Variants in INPP4B observed in about 807,000 individuals in gnomAD.
INPP4B encodes inositol polyphosphate 4-phosphatase type II.
INPP4B carries 55 observed loss-of-function variants against 122.5 expected under a neutral mutation model. The observed-to-expected ratio is 0.45, with a 90% CI of 0.36 to 0.56. INPP4B has a LOEUF of 0.56. INPP4B is among the 20% of genes least tolerant of loss of function. The pLI is 0.00. For synonymous variants in INPP4B, 403 were observed against 388.7 expected (o/e 1.04, Z -0.43); for missense variants, 1,000 against 1,097.7 (o/e 0.91, Z 1.26).
At chr4:142,463,522 G>C (rs1817142282) in intron 2 of INPP4B, among the ~76,000 whole-genome samples, 1 of 152,094 alleles carries the variant, frequency 6.6e-6, no homozygotes, top group South Asian at 2.1e-4. Context: ...TTCTTAATTT[G>C]TATACTTTCA....
At chr4:142,044,734 T>C (rs1750385692) in intron 25 of INPP4B, among the ~76,000 whole-genome samples, 1 of 152,120 alleles carries the variant, frequency 6.6e-6, no homozygotes, top group Non-Finnish European at 1.5e-5. Flanking sequence ...CCAAGAATAA[T>C]ATGGAATATT....
intron 12 of INPP4B, among the ~76,000 whole-genome samples, chr4:142,225,909 G>T (rs1427266196): frequency 6.6e-6 from 1 of 152,028 alleles, no homozygotes; most frequent in Non-Finnish European, 1.5e-5. Flanking sequence ...ATATTTTGTG[G>T]CTACCACAGT....
At chr4:142,225,544 A>G (rs995357115) in intron 12 of INPP4B, among the ~76,000 whole-genome samples, 1 of 148,878 alleles carries the variant, frequency 6.7e-6, no homozygotes, top group Non-Finnish European at 1.5e-5. Context: ...ATAAGTATAT[A>G]TATAAATATG....
At chr4:142,302,810 T>G (rs1199141581) in intron 9 of INPP4B, among the ~76,000 whole-genome samples, 2 of 151,892 alleles carry the variant, frequency 1.3e-5, no homozygotes, top group East Asian at 3.9e-4. Context: ...AAAAAAGAAG[T>G]AAGGGGAGAC....
At chr4:142,137,469 GC>G (rs1210633887) in intron 18 of INPP4B, among the ~76,000 whole-genome samples, 5 of 66,736 alleles carry the variant, frequency 7.5e-5, no homozygotes, top group African/African-American at 1.6e-4. Flanking sequence ...CAGGACATAG[GC>G]ATGGGCAAGG....
At chr4:142,105,264 A>G (rs1158620561) in intron 23 of INPP4B, among the ~76,000 whole-genome samples, 1 of 152,206 alleles carries the variant, frequency 6.6e-6, no homozygotes, top group African/African-American at 2.4e-5. Flanking sequence ...TAAATAGTCT[A>G]AAAGCACTAG....
chr4:142,208,446 C>T lies in INPP4B; in HGVS notation c.1051G>A (p.Val351Ile), dbSNP rs1212589621. ...PINLHLQRMQ[V>I]HSPHLKDALY... ...ATACCTTTCAAGTGAGGGCTGTGTA[C>T]CTGCATTCTTTGCAGATGTAGATTT... Residue 351 changes from valine (V) to isoleucine (I), a missense_variant, in exon 14 of 26, where the codon GTA becomes ATA. Physicochemically the swap from Val to Ile is conservative, Grantham distance 29. Coordinates refer to ENST00000262992, the MANE Select transcript of INPP4B (RefSeq NM_001101669.3). 5 of 1,582,788 alleles carry T rather than the reference C, an allele frequency of 3.2e-6. No homozygotes were observed. The highest frequency in any genetic ancestry group is 1.7e-5 in the Admixed American group (1 of 57,956).
chr4:142,796,078 T>C (rs1176771918), intron 1 of INPP4B, among the ~76,000 whole-genome samples: 1 of 152,050 alleles, frequency 6.6e-6, no homozygotes, highest in Non-Finnish European at 1.5e-5. Flanking sequence ...GGTTACAGTA[T>C]TCATTTATGA....
At chr4:142,079,319 C>T (rs1772581495) in intron 25 of INPP4B, among the ~76,000 whole-genome samples, 1 of 151,910 alleles carries the variant, frequency 6.6e-6, no homozygotes, top group Admixed American at 6.6e-5. Flanking sequence ...TTTTAACACA[C>T]CAATCAAACA....
In INPP4B at chr4:142,294,829, CAAAAAAAAAAA is replaced by C. The variant is rs57430432; in HGVS notation, c.503+10618_503+10628del. On this transcript the variant is annotated intron_variant, in intron 9 of 25. Transcript: ENST00000262992. Reference sequence around the variant, plus strand: ...CGGGCGACAGAGCGAGACTCCGTCTCAAAAAAAAAAAAAAAAAAAAAAAAAAAGGCAGACTT... The same window carrying C: ...CGGGCGACAGAGCGAGACTCCGTCTCAAAAAAAAAAAAAAAAGGCAGACTT... Among the ~76,000 whole-genome samples, 26 of 28,478 alleles carry C rather than the reference CAAAAAAAAAAA, an allele frequency of 9.1e-4. 3 individuals carry two copies. The highest frequency in any genetic ancestry group is 8.2e-3 in the Admixed American group (12 of 1,472). The allele number at this position is 28,478 out of a possible 152,430, so 18.7% of individuals were successfully genotyped here.
At chr4:142,478,415 CTTTTATTATTTTTAGGTATTA>C (rs888627056) in intron 2 of INPP4B, among the ~76,000 whole-genome samples, 2 of 151,980 alleles carry the variant, frequency 1.3e-5, no homozygotes, top group African/African-American at 4.8e-5. Flanking sequence ...TCATAAATGG[CTTTTATTATTTTTAGGTATTA>C]TTTTATTATT....
chr4:142,659,299 C>G (rs183713863), intron 2 of INPP4B, among the ~76,000 whole-genome samples: 2 of 151,432 alleles, frequency 1.3e-5, no homozygotes, highest in African/African-American at 2.4e-5. Flanking sequence ...CCAGCTACCC[C>G]GGATGCTGAG....
intron 17 of INPP4B, among the ~76,000 whole-genome samples, chr4:142,154,088 C>T (rs1242853564): frequency 2.6e-5 from 4 of 152,066 alleles, no homozygotes; most frequent in Admixed American, 6.6e-5. Flanking sequence ...TAGGGAACAA[C>T]TGGCCCCATT....
rs548821033 is a variant in INPP4B, at chr4:142,028,586, T to TAAGA, written c.*192_*195dup. 2.5e-3 allele frequency: 1,420 copies of TAAGA among 573,762 alleles called. 4 individuals are homozygous for TAAGA. The highest frequency in any genetic ancestry group is 3.6e-3 in the Non-Finnish European group (1,191 of 331,184). 35.5% of individuals were successfully genotyped at this position (573,762 alleles called of 1,614,324 possible). On this transcript the variant is annotated 3_prime_UTR_variant, in exon 26 of 26. Coordinates refer to ENST00000262992, the MANE Select transcript of INPP4B (RefSeq NM_001101669.3). ...CTAGAAATGACAGTACTGAATCATGTAAGATTTTTTAAAATGGATTTCTTT... is the reference window on the plus strand; with the variant it reads ...CTAGAAATGACAGTACTGAATCATGTAAGAAAGATTTTTTAAAATGGATTTCTTT...
chr4:142,132,449 C>T (rs546249500), intron 18 of INPP4B, among the ~76,000 whole-genome samples: 18 of 152,218 alleles, frequency 1.2e-4, no homozygotes, highest in Admixed American at 7.2e-4. Context: ...AATGAGTTAA[C>T]GCAGTCAATA....
intron 1 of INPP4B, among the ~76,000 whole-genome samples, chr4:142,823,382 CA>C (rs1781032784): frequency 6.6e-6 from 1 of 151,856 alleles, no homozygotes; most frequent in Admixed American, 6.6e-5. Context: ...AAAATACTTC[CA>C]AAGCATCTGA....
At chr4:142,080,666 A>G (rs999086816) in intron 25 of INPP4B, among the ~76,000 whole-genome samples, 1 of 152,106 alleles carries the variant, frequency 6.6e-6, no homozygotes, top group African/African-American at 2.4e-5. Context: ...GAATTATTTT[A>G]TGTCTAATTT....
chr4:142,216,713 A>G (rs1289647712), intron 12 of INPP4B, among the ~76,000 whole-genome samples: 5 of 152,242 alleles, frequency 3.3e-5, no homozygotes, highest in Non-Finnish European at 7.3e-5. Flanking sequence ...AACCTTCCAC[A>G]ATGTAGAACA....
chr4:142,346,494 G>A (rs1029340461), intron 7 of INPP4B, among the ~76,000 whole-genome samples: 1 of 151,890 alleles, frequency 6.6e-6, no homozygotes, highest in Non-Finnish European at 1.5e-5. Flanking sequence ...AAAGATAAAA[G>A]TCTCTTTCAT....
Sources: allele counts gnomAD v4.1 joint callset (sites outside exome capture counted in the v4.1 genomes callset), GRCh38; gene constraint gnomAD v4.1.1; transcripts MANE v1.5; gene names NCBI Gene and HGNC (gene_info 2026-07-23, HGNC 2026-07-21).